PRELID2: variants seen among roughly 807,000 people sequenced by gnomAD.
PRELID2 encodes the protein PRELI domain containing 2.
PRELID2 carries 25 observed loss-of-function variants against 28.4 expected under a neutral mutation model. The observed-to-expected ratio is 0.88, with a 90% CI of 0.64 to 1.23. The LOEUF (loss-of-function observed/expected upper bound fraction) is 1.23, where lower values mean the gene tolerates loss of function less well. Ranked by LOEUF, PRELID2 falls within the 50% of genes most tolerant of loss-of-function variation. The probability of loss-of-function intolerance (pLI) is 0.00; values close to 1 mark genes in which losing one functional copy is unlikely to be tolerated. For missense variants in PRELID2, 201 were observed against 214.4 expected, an observed-to-expected ratio of 0.94 and a Z score of 0.39; for synonymous variants, 76 against 71.6, an observed-to-expected ratio of 1.06 and a Z score of -0.31.
intron 1 of PRELID2, among the ~76,000 whole-genome samples, chr5:145,537,274 G>A (rs1752707297): frequency 6.6e-6 from 1 of 151,958 alleles, no homozygotes; most frequent in African/African-American, 2.4e-5. Context: ...GGGCTGTATA[G>A]ACTAGTAGGT....
At chr5:145,276,508 C>A in the PRELID2 span, among the ~76,000 whole-genome samples, 2 of 152,080 alleles carry the variant, frequency 1.3e-5, no homozygotes, top group Non-Finnish European at 2.9e-5. Context: ...CTAGCGCCAA[C>A]AAAATTCACT....
chr5:145,292,881 T>C, the PRELID2 span, among the ~76,000 whole-genome samples: 33 of 152,186 alleles, frequency 2.2e-4, no homozygotes, highest in African/African-American at 7.2e-4. Context: ...CTAATTTTTT[T>C]TATTTTTTAT....
chr5:145,754,334 C>T (rs907594944), downstream of PRELID2: 10 of 152,144 alleles, frequency 6.6e-5, no homozygotes, highest in Admixed American at 2.6e-4. Context: ...GCTGATCTCT[C>T]CACTGTGCAT....
In PRELID2 at chr5:145,817,202, A is replaced by ATATATATATATAT. The variant is rs1561643627; in HGVS notation, c.368+691_368+692insATATATATATATA. 7.6e-4 allele frequency among the ~76,000 whole-genome samples: 39 copies of ATATATATATATAT among 51,242 alleles called. 1 individual carries two copies. The highest frequency in any genetic ancestry group is 1.8e-3 in the Admixed American group (7 of 3,988). The allele number at this position is 51,242 out of a possible 152,430, so 33.6% of individuals were successfully genotyped here. ...CAAGACTGCATTTCAAAAAAAAATA[A>ATATATATATATAT]ATAAATAAATAAAAAAAAATATATA... On this transcript the variant is annotated intron_variant, in intron 4 of 6. Transcript: ENST00000683046.
intron 1 of PRELID2, among the ~76,000 whole-genome samples, chr5:145,742,000 A>G (rs1169697910): frequency 5.3e-5 from 2 of 37,828 alleles, no homozygotes; most frequent in Non-Finnish European, 1.2e-4. Flanking sequence ...TTTATTATAA[A>G]TAATAAATTT....
At chr5:145,345,081 A>G in the PRELID2 span, among the ~76,000 whole-genome samples, 1 of 152,072 alleles carries the variant, frequency 6.6e-6, no homozygotes, top group Non-Finnish European at 1.5e-5. Context: ...TGTTACTCCA[A>G]ATTTAAACAA....
chr5:145,471,494 A>AG, downstream of PRELID2, among the ~76,000 whole-genome samples: 1 of 152,130 alleles, frequency 6.6e-6, no homozygotes, highest in East Asian at 1.9e-4. Context: ...TGTGGGTTCT[A>AG]GGTACATAAA....
At chr5:145,512,273 G>A (rs931956875) in intron 1 of PRELID2, among the ~76,000 whole-genome samples, 1 of 152,166 alleles carries the variant, frequency 6.6e-6, no homozygotes, top group Non-Finnish European at 1.5e-5. Context: ...AATTGGGACT[G>A]GTTAGACAGT....
chr5:145,547,241 C>T (rs574369485), intron 1 of PRELID2, among the ~76,000 whole-genome samples: 83 of 152,218 alleles, frequency 5.5e-4, no homozygotes, highest in South Asian at 1.2e-3. Context: ...TTAATCTTCA[C>T]GAAAAAGTCC....
rs142953400 is a variant in PRELID2, at chr5:145,595,827, T to C, written n.71-122512A>G. Among the ~76,000 whole-genome samples the C allele has an allele frequency of 1.7e-3, 255 of 152,280 alleles. 1 individual carries two copies. The highest frequency in any genetic ancestry group is 6.8e-3 in the Middle Eastern group (2 of 294). On this transcript the variant is annotated intron_variant and non_coding_transcript_variant, in intron 1 of 2. Coordinates refer to the PRELID2 transcript ENST00000510259. ...TACATGTCTACTTTTAAAATTCATT[T>C]CCATCATATCACTCTGGGTTATTCA...
At chr5:145,400,603 A>C in the PRELID2 span, among the ~76,000 whole-genome samples, 2 of 152,076 alleles carry the variant, frequency 1.3e-5, no homozygotes, top group African/African-American at 4.8e-5. Flanking sequence ...AACATACATC[A>C]TTTTCCAGCA....
At chr5:145,526,839 A>G (rs1755330593) in intron 1 of PRELID2, among the ~76,000 whole-genome samples, 1 of 152,106 alleles carries the variant, frequency 6.6e-6, no homozygotes, top group South Asian at 2.1e-4. Flanking sequence ...GAAAAATAAG[A>G]TTTTCTCTTT....
chr5:145,776,180 A>G (rs756925091), intron 5 of PRELID2, among the ~76,000 whole-genome samples: 1 of 152,210 alleles, frequency 6.6e-6, no homozygotes, highest in Admixed American at 6.5e-5. Context: ...TTTTTAGTGC[A>G]TGACATTCTG....
At chr5:145,557,710 C>T (rs1301790995) in intron 1 of PRELID2, among the ~76,000 whole-genome samples, 1 of 152,148 alleles carries the variant, frequency 6.6e-6, no homozygotes, top group Admixed American at 6.5e-5. Context: ...CATTTTAATT[C>T]TCACACTAAT....
At chr5:145,508,212 A>G (rs898592408) in intron 1 of PRELID2, among the ~76,000 whole-genome samples, 1 of 152,176 alleles carries the variant, frequency 6.6e-6, no homozygotes, top group Non-Finnish European at 1.5e-5. Flanking sequence ...CATTGGCTGA[A>G]AAAATCAATT....
chr5:145,792,711 T>C (rs1383472865), intron 5 of PRELID2, among the ~76,000 whole-genome samples: 2 of 152,122 alleles, frequency 1.3e-5, no homozygotes, highest in Non-Finnish European at 2.9e-5. Flanking sequence ...TGTGTTTACA[T>C]GAATTTGAGG....
intron 1 of PRELID2, among the ~76,000 whole-genome samples, chr5:145,477,562 A>G (rs867861004): frequency 6.6e-6 from 1 of 152,116 alleles, no homozygotes; most frequent in Non-Finnish European, 1.5e-5. Context: ...CTCTCCCTGG[A>G]CTTGGAGCAT....
intron 1 of PRELID2, among the ~76,000 whole-genome samples, chr5:145,683,721 G>A (rs141653235): frequency 1.3e-5 from 2 of 152,194 alleles, no homozygotes; most frequent in East Asian, 3.9e-4. Context: ...CTCAGATACT[G>A]GAGTTTAGGG....
At chr5:145,686,564 C>T (rs1328443900) in intron 1 of PRELID2, among the ~76,000 whole-genome samples, 1 of 152,116 alleles carries the variant, frequency 6.6e-6, no homozygotes, top group African/African-American at 2.4e-5. Flanking sequence ...TGTGAAAAGG[C>T]AGAGTCCATT....
Sources: gnomAD v4.1 joint callset for allele counts (sites outside exome capture counted in the v4.1 genomes callset) on GRCh38, gnomAD v4.1.1 for gene constraint, MANE v1.5 for transcripts, NCBI Gene and HGNC (gene_info 2026-07-23, HGNC 2026-07-21) for gene names.